ZFHX4: variants seen among roughly 807,000 people sequenced by gnomAD.
ZFHX4 encodes the protein zinc finger homeobox 4, also known as zinc finger homeobox protein 4.
In ZFHX4, 56 loss-of-function variants were observed where a neutral mutation model predicts 267.6. The observed-to-expected ratio is 0.21, with a 90% CI of 0.17 to 0.26. The LOEUF is 0.26. Ranked by LOEUF, ZFHX4 falls within the 10% of genes least tolerant of loss-of-function variation. ZFHX4 has a pLI of 1.00. For missense variants in ZFHX4, 4,332 were observed against 4,420.0 expected, an observed-to-expected ratio of 0.98 and a Z score of 0.56; for synonymous variants, 1,778 against 1,665.6, an observed-to-expected ratio of 1.07 and a Z score of -1.64.
At chr8:76,694,407 A>T in intron 1 of ZFHX4, among the ~76,000 whole-genome samples, 1 of 152,176 alleles carries the variant, frequency 6.6e-6, no homozygotes, top group East Asian at 1.9e-4. Context: ...GTTTGAGAAT[A>T]AAATAGGTGC....
chr8:76,861,013 A>G (rs747736572), intron 10 of ZFHX4, among the ~76,000 whole-genome samples: 4 of 152,242 alleles, frequency 2.6e-5, no homozygotes, highest in South Asian at 2.1e-4. Context: ...ATTACTTCAC[A>G]GTTTTCCCTA....
intron 4 of ZFHX4, among the ~76,000 whole-genome samples, chr8:76,831,692 A>G (rs1811936871): frequency 6.6e-6 from 1 of 152,158 alleles, no homozygotes; most frequent in African/African-American, 2.4e-5. Context: ...ACATCATGAT[A>G]AGTGCTGAAA....
intron 3 of ZFHX4, among the ~76,000 whole-genome samples, chr8:76,732,172 A>G (rs1393540442): frequency 6.6e-6 from 1 of 152,028 alleles, no homozygotes; most frequent in African/African-American, 2.4e-5. Flanking sequence ...AGTAAAATAT[A>G]TGGTAATTTC....
At position 76,704,306 on chromosome 8, in the gene ZFHX4, A is replaced by G. The variant is rs1204428338; in HGVS notation, c.218A>G (p.Gln73Arg). ...AGCGTTGAGAATGCAGCTGCCACTC[A>G]GGTTACCTCAGCAAAGGAGATACCC... ...GFSVENAAAT[Q>R]VTSAKEIPCN... The change falls in exon 2 of 11, where the codon CAG becomes CGG. Residue 73 changes from glutamine to arginine, a missense_variant. Coordinates refer to ENST00000651372, the MANE Select transcript of ZFHX4 (RefSeq NM_024721.5). The G allele has an allele frequency of 2.5e-6, 4 of 1,614,064 alleles. No individual in the cohort carries two copies. In the Admixed American group the frequency reaches 6.7e-5, roughly 27 times the overall value.
rs768195120 is a variant in ZFHX4, at chr8:76,853,666, G to T, written c.6745G>T (p.Ala2249Ser). The change falls in exon 10 of 11, where the codon GCT (alanine) becomes TCT (serine). Residue 2249 changes from alanine (A) to serine (S), a missense_variant. By Grantham distance (99) the Ala-to-Ser change is moderately conservative. Around this residue, in one of 7 missense-constraint regions of ZFHX4, gnomAD observed 62 missense variants for 69.8 expected, o/e 0.89. Transcript: ENST00000651372. ...TCTGCAAGACTTTTTTGACACAAAC[G>T]CTTACCCAAAAGATGATGAAATAGA... ...RVLQDFFDTN[A>S]YPKDDEIEQL... 1 of 1,613,488 alleles carries T rather than the reference G, an allele frequency of 6.2e-7. No homozygotes were observed. Among genetic ancestry groups the T allele is most frequent in the South Asian group, 1.1e-5 (1 of 91,050 alleles).
chr8:76,756,589 A>G (rs896697100), intron 3 of ZFHX4, among the ~76,000 whole-genome samples: 2 of 152,094 alleles, frequency 1.3e-5, no homozygotes, highest in Non-Finnish European at 2.9e-5. Context: ...TATACCATCT[A>G]TTACCATTTT....
In ZFHX4 at chr8:76,854,379, A is replaced by G; in HGVS notation, c.7458A>G (p.Leu2486=). ...CCATGACGTCTCTCCAGAACAGTCT[A>G]CCTCCACAGTTACTACAATACCAAT... is the stretch of plus-strand genomic sequence containing the variant. ...QISMTSLQNS[L]PPQLLQYQCD... Residue 2486 remains leucine, a synonymous_variant, in exon 10 of 11, where the codon CTA becomes CTG. Transcript: ENST00000651372. 1.9e-6 allele frequency: 3 copies of G among 1,613,682 alleles called. No individual in the cohort carries two copies. Among genetic ancestry groups the G allele is most frequent in the East Asian group, 2.2e-5 (1 of 44,852 alleles).
chr8:76,765,553 C>A (rs1388729122), intron 3 of ZFHX4, among the ~76,000 whole-genome samples: 1 of 151,990 alleles, frequency 6.6e-6, no homozygotes, highest in African/African-American at 2.4e-5. Context: ...ATAATCCCAG[C>A]AGAAATCACT....
At chr8:76,737,919 G>C (rs995064876) in intron 3 of ZFHX4, among the ~76,000 whole-genome samples, 6 of 152,140 alleles carry the variant, frequency 3.9e-5, no homozygotes, top group Non-Finnish European at 8.8e-5. Context: ...CATGCCCTGT[G>C]AGGTTAAATT....
chr8:76,792,408 A>C (rs1268159458), intron 4 of ZFHX4, among the ~76,000 whole-genome samples: 1 of 152,206 alleles, frequency 6.6e-6, no homozygotes, highest in Admixed American at 6.6e-5. Context: ...CAGTTTCGCA[A>C]GATTTGTGCC....
chr8:76,834,948 CTTTTT>C (rs1042111354), intron 5 of ZFHX4, among the ~76,000 whole-genome samples: 1 of 145,580 alleles, frequency 6.9e-6, no homozygotes, highest in Non-Finnish European at 1.5e-5. Flanking sequence ...TGTCTGGACT[CTTTTT>C]TTTTTCTTTT....
intron 3 of ZFHX4, among the ~76,000 whole-genome samples, chr8:76,769,535 G>C (rs966859228): frequency 2.0e-5 from 3 of 151,944 alleles, no homozygotes; most frequent in Non-Finnish European, 1.5e-5. Flanking sequence ...ATTTTTTGTA[G>C]ATACAGGAGT....
Position 76,852,633 on chromosome 8 carries a change from C to T in ZFHX4, c.5712C>T (p.Ala1904=), listed in dbSNP as rs755208079. 3 of 1,613,062 alleles carry T rather than the reference C, an allele frequency of 1.9e-6. No individual in the cohort carries two copies. The highest frequency in any genetic ancestry group is 8.5e-7 in the Non-Finnish European group (1 of 1,179,488). Residue 1904 remains alanine (A), a synonymous_variant, in exon 10 of 11, where the codon GCC becomes GCT. Coordinates refer to ENST00000651372, the MANE Select transcript of ZFHX4 (RefSeq NM_024721.5). ...CACCACCCCGAATAGCTTCAGGGGC[C>T]AGAGGAAATGCTGCCAAAGCGTTAT... ...SIPPPRIASG[A]RGNAAKALLE... is the part of the protein sequence containing the mutation.
rs773883755 is a variant in ZFHX4, at chr8:76,854,501, C to G, written c.7580C>G (p.Pro2527Arg). The G allele has an allele frequency of 1.5e-5, 25 of 1,613,842 alleles. 1 individual carries two copies. The South Asian group carries it at 2.7e-4, about 18-fold the overall frequency. ...GCTCAAAACCAATTCCTTCACTCTC[C>G]GTTCTTGGAAAGGCCCATGGACATG... The part of the protein sequence containing the change: ...LAAQNQFLHS[P>R]FLERPMDMPY... Residue 2527 changes from proline (P) to arginine (R), a missense_variant, in exon 10 of 11, where the codon CCG becomes CGG. Coordinates refer to ENST00000651372, the MANE Select transcript of ZFHX4 (RefSeq NM_024721.5).
rs1266089486 is a variant in ZFHX4, at chr8:76,853,947, T to C, written c.7026T>C (p.Asp2342=). Residue 2342 remains aspartate (D), a synonymous_variant, in exon 10 of 11, where the codon GAT becomes GAC. Transcript: ENST00000651372. ...AGTGTTACAAGGATGAAGATGATGATGCCCAAGATGAAAGCCAAACAGAAG... is the reference window on the plus strand; with the variant it reads ...AGTGTTACAAGGATGAAGATGATGACGCCCAAGATGAAAGCCAAACAGAAG... ...KKQCYKDEDD[D]AQDESQTEDS... is the part of the protein sequence containing the mutation. 6.2e-7 allele frequency: 1 copy of C among 1,613,854 alleles called. No homozygotes were observed. Among genetic ancestry groups the C allele is most frequent in the East Asian group, 2.2e-5 (1 of 44,844 alleles).
At chr8:76,694,704 GC>G (rs1227874288) in intron 1 of ZFHX4, among the ~76,000 whole-genome samples, 2 of 83,574 alleles carry the variant, frequency 2.4e-5, no homozygotes, top group East Asian at 7.9e-4. Context: ...CCCCGCCTCT[GC>G]CCCCGCCCCC....
chr8:76,681,791 C>T (rs1375529673), intron 1 of ZFHX4, among the ~76,000 whole-genome samples, 171 bp downstream of exon 1: 1 of 152,040 alleles, frequency 6.6e-6, no homozygotes, highest in South Asian at 2.1e-4. Flanking sequence ...CGCTGTCGCA[C>T]ACATCCCCTC....
rs539368973 is a variant in ZFHX4, at chr8:76,833,404, C to T, written c.3392C>T (p.Ser1131Leu). ...DLTEQQLRST[S>L]EEQSEEAEGA... Reference sequence around the variant, plus strand: ...ACAGAGCAGCAGTTGAGATCGACCTCAGGTAATGGTTCCTACTCCTTCTCA... The same window carrying T: ...ACAGAGCAGCAGTTGAGATCGACCTTAGGTAATGGTTCCTACTCCTTCTCA... The change falls in exon 5 of 11, where the codon TCA (serine) becomes TTA (leucine). Residue 1131 changes from serine to leucine, a missense_variant and splice_region_variant. Coordinates refer to ENST00000651372, the MANE Select transcript of ZFHX4 (RefSeq NM_024721.5). 1.2e-6 allele frequency: 2 copies of T among 1,604,274 alleles called. No homozygotes were observed. Among genetic ancestry groups the T allele is most frequent in the Non-Finnish European group, 1.7e-6 (2 of 1,174,670 alleles).
chr8:76,759,821 T>C (rs1362005454), intron 3 of ZFHX4, among the ~76,000 whole-genome samples: 1 of 152,178 alleles, frequency 6.6e-6, no homozygotes, highest in African/African-American at 2.4e-5. Context: ...ATCATATCCT[T>C]GGTGGAATGA....
Sources: allele counts gnomAD v4.1 joint callset (sites outside exome capture counted in the v4.1 genomes callset), GRCh38; gene constraint gnomAD v4.1.1; regional missense constraint gnomAD v4.1.1; transcripts MANE v1.5; gene names NCBI Gene and HGNC (gene_info 2026-07-23, HGNC 2026-07-21).